KCTD2: variants seen among roughly 807,000 people sequenced by gnomAD.
The protein encoded by KCTD2 is potassium channel tetramerization domain containing 2.
Under a neutral mutation model 27.9 loss-of-function variants are expected in KCTD2, and 18 were observed. The ratio of observed to expected loss-of-function variants is 0.64; its 90% CI spans 0.45 to 0.96. The LOEUF (loss-of-function observed/expected upper bound fraction) is 0.96, where lower values mean the gene tolerates loss of function less well. Ranked by LOEUF, KCTD2 falls within the 40% of genes least tolerant of loss-of-function variation. The probability of loss-of-function intolerance (pLI) is 0.00; values close to 1 mark genes in which losing one functional copy is unlikely to be tolerated. For synonymous variants in KCTD2, 175 were observed against 148.4 expected (o/e 1.18, Z -1.30); for missense variants, 280 against 348.0 (o/e 0.80, Z 1.56).
At chr17:75,057,742 G>A (rs1351127360) in intron 3 of KCTD2, among the ~76,000 whole-genome samples, 2 of 151,690 alleles carry the variant, frequency 1.3e-5, no homozygotes, top group South Asian at 2.1e-4. Flanking sequence ...TGTGTTTTTA[G>A]TAGAGATGGG....
chr17:75,051,277 CTTTTTTTT>C (rs35794705), intron 2 of KCTD2, among the ~76,000 whole-genome samples: 1 of 64,584 alleles, frequency 1.5e-5, no homozygotes, highest in African/African-American at 6.7e-5. Context: ...CGCGCCCGAC[CTTTTTTTT>C]TTTTTTTTTT....
chr17:75,037,170 C>G (rs1397329049), intron 3 of KCTD2, among the ~76,000 whole-genome samples: 1 of 152,016 alleles, frequency 6.6e-6, no homozygotes, highest in East Asian at 1.9e-4. Context: ...CGATGAAACC[C>G]CGTCTCTACT....
At chr17:75,038,300 G>A (rs1000646216) in intron 3 of KCTD2, among the ~76,000 whole-genome samples, 1 of 151,682 alleles carries the variant, frequency 6.6e-6, no homozygotes, top group Admixed American at 6.6e-5. Flanking sequence ...CCACCACCAC[G>A]CCTGGCTAAT....
In KCTD2 at chr17:75,034,885, G is replaced by C. The variant is rs539221670; in HGVS notation, c.-384-347G>C. On this transcript the variant is annotated intron_variant, in intron 2 of 7. Coordinates refer to the KCTD2 transcript ENST00000581589. The stretch of plus-strand genomic sequence containing the variant: ...AAAGGAACCCTCAATCTTATGATCT[G>C]ACGTCAGACGCCTCATCCCTTAGGC... Among the ~76,000 whole-genome samples the C allele has an allele frequency of 2.6e-5, 4 of 152,222 alleles. No individual in the cohort carries two copies. The East Asian group carries it at 7.8e-4, about 30-fold the overall frequency.
upstream of KCTD2, among the ~76,000 whole-genome samples, chr17:75,044,501 GGCC>G (rs2073193079): frequency 1.3e-5 from 1 of 77,008 alleles, no homozygotes. Context: ...CACCGCGCCC[GGCC>G]CTAATTTTTG....
At chr17:75,047,160 C>CG, upstream of KCTD2, 2 of 346,730 alleles carry the variant, frequency 5.8e-6, no homozygotes, top group Non-Finnish European at 4.7e-6. Flanking sequence ...CTCTGCCCCA[C>CG]CCCCGCCGAT....
upstream of KCTD2, among the ~76,000 whole-genome samples, chr17:75,043,598 TGA>T (rs1171155672): frequency 2.4e-4 from 33 of 136,860 alleles, no homozygotes; most frequent in African/African-American, 9.1e-4. Context: ...GGACACAGAG[TGA>T]GACTCTGTCT....
intron 3 of KCTD2, among the ~76,000 whole-genome samples, chr17:75,036,436 T>G (rs574676992): frequency 6.6e-6 from 1 of 152,320 alleles, no homozygotes; most frequent in East Asian, 1.9e-4. Context: ...ACCTTTTTAA[T>G]GTAAAATTAA....
chr17:75,048,121 C>T lies in KCTD2; in HGVS notation c.339+532C>T, dbSNP rs149907467. Among the ~76,000 whole-genome samples the T allele has an allele frequency of 1.4e-3, 210 of 152,322 alleles. 1 individual carries two copies. The highest frequency in any genetic ancestry group is 0.01 in the Middle Eastern group (3 of 294). ...ATAGTCCTGGTCGCAGAACTTTTAT[C>T]TGTTAACAGTCACTGGTTTAGGTCC... is the stretch of plus-strand genomic sequence containing the variant. On this transcript the variant is annotated intron_variant, in intron 1 of 5. Coordinates refer to ENST00000322444, the MANE Select transcript of KCTD2 (RefSeq NM_015353.3).
chr17:75,050,423 G>C (rs563041713), intron 2 of KCTD2, among the ~76,000 whole-genome samples: 1 of 151,950 alleles, frequency 6.6e-6, no homozygotes, highest in Non-Finnish European at 1.5e-5. Context: ...CACCATGCTT[G>C]ACTAATTTTT....
intron 3 of KCTD2, among the ~76,000 whole-genome samples, chr17:75,053,966 A>G (rs2073322328): frequency 6.8e-6 from 1 of 147,542 alleles, no homozygotes; most frequent in Non-Finnish European, 1.5e-5. Flanking sequence ...CCCAGCCTGA[A>G]CCATGCTTCT....
intron 2 of KCTD2, among the ~76,000 whole-genome samples, chr17:75,034,412 C>A (rs1192551051): frequency 6.6e-6 from 1 of 152,156 alleles, no homozygotes; most frequent in Non-Finnish European, 1.5e-5. Flanking sequence ...AGAAACCTTG[C>A]GAGCACAGCC....
chr17:75,064,922 T>G lies in KCTD2; in HGVS notation c.*1875T>G, dbSNP rs940849922. 2.0e-5 allele frequency: 3 copies of G among 152,100 alleles called. No individual in the cohort carries two copies. Among genetic ancestry groups the G allele is most frequent in the African/African-American group, 7.2e-5 (3 of 41,400 alleles). The allele number at this position is 152,100 out of a possible 1,614,324, so 9.4% of individuals were successfully genotyped here. On this transcript the variant is annotated 3_prime_UTR_variant, in exon 6 of 6. Transcript: ENST00000322444. ...TCAGACTGACAGAGGAAAAGCAGCTTGGTTTGCGGCCTTGTGCCCAGTCTC... is the reference window on the plus strand; with the variant it reads ...TCAGACTGACAGAGGAAAAGCAGCTGGGTTTGCGGCCTTGTGCCCAGTCTC...
At chr17:75,051,273 C>T (rs1397310545) in intron 2 of KCTD2, among the ~76,000 whole-genome samples, 6 of 145,512 alleles carry the variant, frequency 4.1e-5, no homozygotes, top group East Asian at 2.2e-4. Flanking sequence ...CCACCGCGCC[C>T]GACCTTTTTT....
In KCTD2 at chr17:75,047,405, C is replaced by G. The variant is rs1197856372; in HGVS notation, c.155C>G (p.Ala52Gly). Residue 52 changes from alanine (A) to glycine (G), a missense_variant, in exon 1 of 6, where the codon GCG becomes GGG. By Grantham distance (60) the Ala-to-Gly change is moderately conservative. Coordinates refer to ENST00000322444, the MANE Select transcript of KCTD2 (RefSeq NM_015353.3). Reference sequence around the variant, plus strand: ...CACGGCCGCCCGGCTGCCGCCGTCGCGCAGCCGCTGGAGCCGGGTCCCGGA... The same window carrying G: ...CACGGCCGCCCGGCTGCCGCCGTCGGGCAGCCGCTGGAGCCGGGTCCCGGA... ...RGHGRPAAAV[A>G]QPLEPGPGPP... 2 of 1,185,962 alleles carry G rather than the reference C, an allele frequency of 1.7e-6. No individual in the cohort carries two copies. Among genetic ancestry groups the G allele is most frequent in the African/African-American group, 3.2e-5 (2 of 62,174 alleles). The allele number at this position is 1,185,962 out of a possible 1,614,324, so 73.5% of individuals were successfully genotyped here.
chr17:75,063,142 G>C lies in KCTD2; in HGVS notation c.*95G>C. The C allele has an allele frequency of 8.7e-7, 1 of 1,147,558 alleles. No homozygotes were observed. The highest frequency in any genetic ancestry group is 1.3e-6 in the Non-Finnish European group (1 of 764,770). 71.1% of individuals were successfully genotyped at this position (1,147,558 alleles called of 1,614,324 possible). ...ACTCCTGTCCAGTGACCGAGCCACTGCAAAGCACAGCTGATCCTGGCCCCC... is the reference window on the plus strand; with the variant it reads ...ACTCCTGTCCAGTGACCGAGCCACTCCAAAGCACAGCTGATCCTGGCCCCC... On this transcript the variant is annotated 3_prime_UTR_variant, in exon 6 of 6. Coordinates refer to ENST00000322444, the MANE Select transcript of KCTD2 (RefSeq NM_015353.3).
At chr17:75,050,711 A>G (rs1032576736) in intron 2 of KCTD2, among the ~76,000 whole-genome samples, 29 of 152,230 alleles carry the variant, frequency 1.9e-4, no homozygotes, top group African/African-American at 7.0e-4. Flanking sequence ...TAATTAAAAA[A>G]ACTTTATTTT....
chr17:75,038,265 G>C (rs2073122664), intron 3 of KCTD2, among the ~76,000 whole-genome samples: 1 of 151,696 alleles, frequency 6.6e-6, no homozygotes, highest in Non-Finnish European at 1.5e-5. Context: ...CTCCCAAGTA[G>C]CTGGGATTAC....
chr17:75,055,556 G>A (rs540627868), intron 3 of KCTD2, among the ~76,000 whole-genome samples: 4 of 150,796 alleles, frequency 2.7e-5, no homozygotes, highest in East Asian at 2.0e-4. Flanking sequence ...TCTACTGGCC[G>A]GGCGTGGTGG....
Sources: gnomAD v4.1 joint callset for allele counts (sites outside exome capture counted in the v4.1 genomes callset) on GRCh38, gnomAD v4.1.1 for gene constraint, MANE v1.5 for transcripts, NCBI Gene and HGNC (gene_info 2026-07-23, HGNC 2026-07-21) for gene names.